The following IL17D variants were observed in gnomAD, a reference collection of about 807,000 sequenced individuals.
The protein encoded by IL17D is interleukin-17D.
IL17D carries 10 observed loss-of-function variants against 5.7 expected under a neutral mutation model. The observed-to-expected ratio is 1.75, with a 90% confidence interval of 1.08 to 2.97. The LOEUF (loss-of-function observed/expected upper bound fraction) is 2.97. IL17D is among the 30% of genes most tolerant of loss of function. The pLI is 0.00. For synonymous variants in IL17D, 172 were observed against 141.7 expected (o/e 1.21, Z -1.52); for missense variants, 354 against 292.7 (o/e 1.21, Z -1.53).
Position 20,704,085 on chromosome 13 carries a change from GCGGGGCTGC to G in IL17D, c.85_93del (p.Arg29_Cys31del), listed in dbSNP as rs1252394272. 53 of 1,153,326 alleles carry G rather than the reference GCGGGGCTGC, an allele frequency of 4.6e-5. No homozygotes were observed. The highest frequency in any genetic ancestry group is 5.5e-5 in the Non-Finnish European group (52 of 939,478). The allele number at this position is 1,153,326 out of a possible 1,614,324, so 71.4% of individuals were successfully genotyped here. A position where few individuals can be genotyped will look rare whatever the true frequency, so the allele number is the denominator to read the frequency against. On this transcript the variant is annotated inframe_deletion, in exon 1 of 2. Transcript: ENST00000682841. Reference sequence around the variant, plus strand: ...GGGCGGGCAGGCGCCCCGCGCGGCCGCGGGGCTGCGCGGACCGGCCGGAGGAGCTACTGG... The same window carrying G: ...GGGCGGGCAGGCGCCCCGCGCGGCCGGCGGACCGGCCGGAGGAGCTACTGG...
chr13:20,704,360 T>G (rs1037213486), intron 1 of IL17D, 69 bp downstream of exon 1: 4 of 332,610 alleles, frequency 1.2e-5, no homozygotes, highest in Non-Finnish European at 7.5e-6. Flanking sequence ...GGAGAGTGGG[T>G]GGGGCCGGGC....
chr13:20,712,712 C>G (rs1357244116), intron 1 of IL17D: 1 of 151,738 alleles, frequency 6.6e-6, no homozygotes, highest in Non-Finnish European at 1.5e-5. Context: ...GCTGAGACCC[C>G]TGTGGTACGC....
At chr13:20,717,783 T>C (rs1245300101) in intron 1 of IL17D, among the ~76,000 whole-genome samples, 1 of 152,174 alleles carries the variant, frequency 6.6e-6, no homozygotes, top group Non-Finnish European at 1.5e-5. Context: ...AGGCCTTACT[T>C]AGCCCAGAGG....
chr13:20,719,442 C>T (rs2058714602), intron 1 of IL17D, among the ~76,000 whole-genome samples: 1 of 147,046 alleles, frequency 6.8e-6, no homozygotes, highest in African/African-American at 2.5e-5. Context: ...ACCACACCCA[C>T]TTGCCTCGCT....
In IL17D at chr13:20,716,161, T is replaced by C; in HGVS notation, c.291-5475T>C. 2 of 939,214 alleles carry C rather than the reference T, an allele frequency of 2.1e-6. No homozygotes were observed. Among genetic ancestry groups the C allele is most frequent in the Non-Finnish European group, 2.5e-6 (2 of 787,970 alleles). The allele number at this position is 939,214 out of a possible 1,614,324, so 58.2% of individuals were successfully genotyped here. A position where few individuals can be genotyped will look rare whatever the true frequency, so the allele number is the denominator to read the frequency against. On this transcript the variant is annotated intron_variant, in intron 1 of 1. Coordinates refer to ENST00000682841, the MANE Select transcript of IL17D (RefSeq NM_001385224.1). The surrounding 1 kb of genome is among the most constrained non-coding windows in gnomAD (Gnocchi z 4.2). ...AAGGTTAGTGTTTTTCACAGGACTC[T>C]CAGCTCTTGGAGAGGGATGCTACAT... is the stretch of plus-strand genomic sequence containing the variant.
At chr13:20,711,858 C>T (rs41423248) in intron 1 of IL17D, among the ~76,000 whole-genome samples, 1 of 152,082 alleles carries the variant, frequency 6.6e-6, no homozygotes. Context: ...CCTGAATGAC[C>T]GCCTATAGGC....
chr13:20,711,302 A>G (rs2058635049), intron 1 of IL17D, among the ~76,000 whole-genome samples: 1 of 151,600 alleles, frequency 6.6e-6, no homozygotes, highest in South Asian at 2.1e-4. Context: ...GATTTGGCTC[A>G]TGGCTCTGGA....
At chr13:20,704,314 C>G (rs951328698) in intron 1 of IL17D, 23 bp downstream of exon 1, 29 of 383,534 alleles carry the variant, frequency 7.6e-5, no homozygotes, top group Non-Finnish European at 1.4e-5. Context: ...CGCGTCCTGG[C>G]GGGGCCCGGC....
chr13:20,711,030 T>C (rs6490607), intron 1 of IL17D, among the ~76,000 whole-genome samples: 97,621 of 151,638 alleles, frequency 0.64, 32,812 homozygotes, highest in Non-Finnish European at 0.75. Context: ...TTTGGGAGGC[T>C]GAGGTGGGTG....
chr13:20,701,830 G>T (rs2058549716), upstream of IL17D: 1 of 152,192 alleles, frequency 6.6e-6, no homozygotes, highest in Admixed American at 6.5e-5. Flanking sequence ...CCAAATAGGT[G>T]AGCATTTTCA....
At chr13:20,702,328 A>G (rs529214310), upstream of IL17D, 1 of 152,378 alleles carries the variant, frequency 6.6e-6, no homozygotes, top group South Asian at 2.1e-4. Flanking sequence ...TTCAATGCAT[A>G]GGAAAGTGTT....
At chr13:20,715,235 T>TCAATTGCTCCA (rs1737106872) in intron 1 of IL17D, among the ~76,000 whole-genome samples, 5 of 149,670 alleles carry the variant, frequency 3.3e-5, no homozygotes, top group Admixed American at 2.0e-4. Context: ...CCCGCTCCAC[T>TCAATTGCTCCA]CTAGAGCAAT....
Position 20,722,912 on chromosome 13 carries a change from G to A in IL17D, c.*958G>A, listed in dbSNP as rs1410247347. The A allele has an allele frequency of 1.3e-5, 2 of 152,144 alleles. No homozygotes were observed. Among genetic ancestry groups the A allele is most frequent in the African/African-American group, 4.8e-5 (2 of 41,430 alleles). The allele number at this position is 152,144 out of a possible 1,614,324, so 9.4% of individuals were successfully genotyped here. ...GTTGTAAGGGCTTTAGGATCAGGCT[G>A]AATATGAGGACAAAGTGGGCCACGT... is the stretch of plus-strand genomic sequence containing the variant. On this transcript the variant is annotated 3_prime_UTR_variant, in exon 2 of 2. Coordinates refer to ENST00000682841, the MANE Select transcript of IL17D (RefSeq NM_001385224.1).
intron 1 of IL17D, 128 bp from the exon 2 acceptor site, chr13:20,721,508 A>G (rs1469945722): frequency 2.8e-6 from 2 of 708,286 alleles, no homozygotes; most frequent in Non-Finnish European, 4.5e-6. Context: ...GGGGCCTCGC[A>G]CGCACGCGCC....
At chr13:20,703,492 G>A (rs1594994011), upstream of IL17D, 8 of 923,544 alleles carry the variant, frequency 8.7e-6, no homozygotes, top group Non-Finnish European at 9.1e-6. Context: ...GCGGGCCGCG[G>A]ACCCTGCGCG....
intron 1 of IL17D, among the ~76,000 whole-genome samples, chr13:20,718,042 G>A (rs1041111863): frequency 6.6e-6 from 1 of 152,096 alleles, no homozygotes; most frequent in Non-Finnish European, 1.5e-5. Context: ...TCAGAGGGCC[G>A]GGCGATGCCC....
chr13:20,719,601 T>A (rs2058715690), intron 1 of IL17D, among the ~76,000 whole-genome samples: 1 of 152,248 alleles, frequency 6.6e-6, no homozygotes, highest in African/African-American at 2.4e-5. Context: ...AACACAACTA[T>A]TGTGAAATTA....
intron 1 of IL17D, among the ~76,000 whole-genome samples, chr13:20,719,358 C>G (rs897168342): frequency 6.8e-6 from 1 of 147,972 alleles, no homozygotes; most frequent in African/African-American, 2.5e-5. Flanking sequence ...CCTGCCCATA[C>G]TCACACACAT....
chr13:20,711,272 GAAAA>G (rs937843691), intron 1 of IL17D, among the ~76,000 whole-genome samples: 21 of 66,170 alleles, frequency 3.2e-4, no homozygotes, highest in Admixed American at 2.6e-3. Flanking sequence ...CTCAAAAAAA[GAAAA>G]AAAAAAGTAC....
Sources: gnomAD v4.1 joint callset for allele counts (sites outside exome capture counted in the v4.1 genomes callset) on GRCh38, gnomAD v4.1.1 for gene constraint, Gnocchi (gnomAD v3.1) non-coding constraint, MANE v1.5 for transcripts, NCBI Gene and HGNC (gene_info 2026-07-23, HGNC 2026-07-21) for gene names.